The following IL1RAPL1 variants were observed in gnomAD, a reference collection of about 807,000 sequenced individuals.
IL1RAPL1 encodes interleukin-1 receptor accessory protein-like 1.
IL1RAPL1 carries 3 observed loss-of-function variants against 48.4 expected under a neutral mutation model. The ratio of observed to expected loss-of-function variants is 0.06; its 90% CI spans 0.03 to 0.16. The LOEUF (loss-of-function observed/expected upper bound fraction) is 0.16. IL1RAPL1 is among the 10% of genes least tolerant of loss of function. IL1RAPL1 has a pLI of 1.00. For missense variants in IL1RAPL1, 349 were observed against 530.6 expected (o/e 0.66, Z 3.36); for synonymous variants, 185 against 187.7 (o/e 0.99, Z 0.12).
At chrX:29,467,730 G>T (rs779223380) in intron 5 of IL1RAPL1, among the ~76,000 whole-genome samples, 1 of 112,371 alleles carries the variant, frequency 8.9e-6, no homozygotes, top group Admixed American at 9.4e-5. Flanking sequence ...AATAGCTGGG[G>T]CTAGAACTCT....
At chrX:29,680,539 A>T (rs189878548) in intron 6 of IL1RAPL1, among the ~76,000 whole-genome samples, 42 of 109,007 alleles carry the variant, frequency 3.9e-4, no homozygotes, top group Non-Finnish European at 6.9e-4. Context: ...GAGTACGTAG[A>T]TGTGGCAGTT....
At chrX:29,414,273 T>G (rs2147700175) in intron 5 of IL1RAPL1, among the ~76,000 whole-genome samples, 1 of 111,424 alleles carries the variant, frequency 9.0e-6, no homozygotes, top group East Asian at 2.8e-4. Flanking sequence ...TGGATAAAGG[T>G]GATGGTAGCA....
intron 9 of IL1RAPL1, 129 bp from the exon 10 acceptor site, chrX:29,954,392 AG>A: frequency 7.6e-6 from 4 of 529,228 alleles, no homozygotes; most frequent in Non-Finnish European, 1.3e-5. Flanking sequence ...AACTTAATGA[AG>A]GCTTCATTTT....
At chrX:29,461,817 T>C (rs1934806513) in intron 5 of IL1RAPL1, among the ~76,000 whole-genome samples, 1 of 111,951 alleles carries the variant, frequency 8.9e-6, no homozygotes, top group Non-Finnish European at 1.9e-5. Flanking sequence ...AGGATAAAAC[T>C]ATAGAGACAG....
At chrX:28,737,185 TC>T (rs1380712461) in intron 1 of IL1RAPL1, among the ~76,000 whole-genome samples, 3,542 of 79,883 alleles carry the variant, frequency 0.044, 187 homozygotes, top group African/African-American at 0.059. Context: ...TTCCTTTCTT[TC>T]CTTTCTCTTT....
At chrX:29,167,475 C>T (rs992725891) in intron 2 of IL1RAPL1, among the ~76,000 whole-genome samples, 1 of 109,790 alleles carries the variant, frequency 9.1e-6, no homozygotes, top group Admixed American at 1.0e-4. Context: ...GGAGACTGGC[C>T]TGTCTTTTAA....
chrX:29,101,137 C>A (rs2147463624), intron 2 of IL1RAPL1, among the ~76,000 whole-genome samples: 1 of 111,138 alleles, frequency 9.0e-6, no homozygotes, highest in African/African-American at 3.3e-5. Flanking sequence ...GAGGGGAAAC[C>A]CAAATAAATA....
At chrX:29,933,193 G>T (rs939295763) in intron 8 of IL1RAPL1, among the ~76,000 whole-genome samples, 6 of 110,951 alleles carry the variant, frequency 5.4e-5, no homozygotes, top group Non-Finnish European at 7.5e-5. Context: ...TCAGGGTGGG[G>T]GCCTAGGGGA....
chrX:28,618,743 T>C (rs1206357880), intron 1 of IL1RAPL1, among the ~76,000 whole-genome samples: 2 of 112,590 alleles, frequency 1.8e-5, no homozygotes, highest in East Asian at 5.6e-4. Context: ...AACTTTTCAA[T>C]TTCTTATTAA....
At chrX:29,864,060 C>T (rs2147205502) in intron 6 of IL1RAPL1, among the ~76,000 whole-genome samples, 1 of 112,401 alleles carries the variant, frequency 8.9e-6, no homozygotes, top group Non-Finnish European at 1.9e-5. Flanking sequence ...GCTGGGATTA[C>T]AGGCGTGAGC....
chrX:29,802,952 T>G (rs113403972), intron 6 of IL1RAPL1, among the ~76,000 whole-genome samples: 4,155 of 47,946 alleles, frequency 0.087, 426 homozygotes, highest in Middle Eastern at 0.12. Flanking sequence ...TGTATGCATA[T>G]ATGTATACAT....
At chrX:28,838,513 G>C (rs1314359020) in intron 2 of IL1RAPL1, among the ~76,000 whole-genome samples, 1 of 110,909 alleles carries the variant, frequency 9.0e-6, no homozygotes, top group East Asian at 2.9e-4. Context: ...GGTCCTGTTA[G>C]GGAAGAACAT....
At chrX:29,381,663 A>G (rs1933702856) in intron 3 of IL1RAPL1, among the ~76,000 whole-genome samples, 1 of 104,541 alleles carries the variant, frequency 9.6e-6, no homozygotes. Flanking sequence ...GAAAGTAAAA[A>G]AACTTATCCA....
chrX:29,656,981 C>T (rs984060810), intron 5 of IL1RAPL1, among the ~76,000 whole-genome samples: 7 of 110,702 alleles, frequency 6.3e-5, no homozygotes, highest in African/African-American at 2.3e-4. Flanking sequence ...CATCTCTTCC[C>T]CGTACCCTAT....
chrX:28,874,959 A>G (rs760609989), intron 2 of IL1RAPL1, among the ~76,000 whole-genome samples: 1 of 111,962 alleles, frequency 8.9e-6, no homozygotes, highest in South Asian at 3.7e-4. Flanking sequence ...AACCATGTTG[A>G]TTTCTCTACT....
intron 2 of IL1RAPL1, among the ~76,000 whole-genome samples, chrX:28,893,539 A>G (rs907411261): frequency 5.4e-5 from 6 of 111,615 alleles, no homozygotes; most frequent in African/African-American, 2.0e-4. Flanking sequence ...ACCTAGACCA[A>G]GAGGTATTTT....
chrX:29,373,820 T>A (rs60679859), intron 3 of IL1RAPL1, among the ~76,000 whole-genome samples: 1,477 of 106,758 alleles, frequency 0.014, 34 homozygotes, highest in African/African-American at 0.048. Context: ...CATTTGTTTT[T>A]ATTTTTTTTA....
intron 6 of IL1RAPL1, among the ~76,000 whole-genome samples, chrX:29,676,820 A>G (rs1175350606): frequency 8.9e-6 from 1 of 111,854 alleles, no homozygotes; most frequent in Non-Finnish European, 1.9e-5. Context: ...TAGTCATATC[A>G]TTTTATACAA....
At chrX:29,199,619 G>A (rs1930515280) in intron 2 of IL1RAPL1, among the ~76,000 whole-genome samples, 1 of 110,699 alleles carries the variant, frequency 9.0e-6, no homozygotes, top group Non-Finnish European at 1.9e-5. Flanking sequence ...CCTCGCATGC[G>A]CAGTTCACAA....
Sources: gnomAD v4.1 joint callset for allele counts (sites outside exome capture counted in the v4.1 genomes callset) on GRCh38, gnomAD v4.1.1 for gene constraint, MANE v1.5 for transcripts, NCBI Gene and HGNC (gene_info 2026-07-23, HGNC 2026-07-21) for gene names.